Variants in SND1 observed in about 807,000 individuals in gnomAD.
The protein encoded by SND1 is staphylococcal nuclease domain-containing protein 1.
A neutral mutation model predicts 121.7 loss-of-function variants in SND1; 38 were observed. The observed-to-expected ratio is 0.31, with a 90% CI of 0.24 to 0.41. The LOEUF (loss-of-function observed/expected upper bound fraction) is 0.41. SND1 is among the 10% of genes least tolerant of loss of function. The pLI, the probability that SND1 is intolerant of heterozygous loss-of-function variation, is 1.00. For synonymous variants in SND1, 401 were observed against 447.4 expected, an observed-to-expected ratio of 0.90 and a Z score of 1.31; for missense variants, 868 against 1,184.6, an observed-to-expected ratio of 0.73 and a Z score of 3.92.
intron 11 of SND1, among the ~76,000 whole-genome samples, chr7:127,811,411 ATCT>A (rs1372597476): frequency 6.6e-6 from 1 of 152,102 alleles, no homozygotes; most frequent in Non-Finnish European, 1.5e-5. Flanking sequence ...TAATCTCTTG[ATCT>A]TCTGGTGGAC....
chr7:128,024,122 C>A (rs537035296), intron 16 of SND1, among the ~76,000 whole-genome samples: 5 of 151,490 alleles, frequency 3.3e-5, no homozygotes, highest in African/African-American at 9.7e-5. Context: ...TATCACTGCT[C>A]CAAGAAGTAA....
chr7:128,017,701 A>T (rs1584740011), intron 16 of SND1, among the ~76,000 whole-genome samples: 1 of 152,194 alleles, frequency 6.6e-6, no homozygotes, highest in East Asian at 1.9e-4. Flanking sequence ...AGGGGGGGCA[A>T]ACTCTTTACC....
At chr7:127,876,976 T>C (rs1231147277) in intron 12 of SND1, among the ~76,000 whole-genome samples, 1 of 152,158 alleles carries the variant, frequency 6.6e-6, no homozygotes, top group Non-Finnish European at 1.5e-5. Context: ...AAGATGGACA[T>C]TGTTTTATTA....
intron 16 of SND1, among the ~76,000 whole-genome samples, chr7:128,042,856 C>T (rs1792879523): frequency 6.6e-6 from 1 of 152,224 alleles, no homozygotes; most frequent in Non-Finnish European, 1.5e-5. Flanking sequence ...TGGCTCCTGC[C>T]AGCTGCTATC....
rs1451851878 is a variant in SND1 at position 127,936,276 on chromosome 7, C to T, written c.1669+6947C>T. The stretch of plus-strand genomic sequence containing the variant: ...CTGATTTCAGTCTCGGAGGCAGTCA[C>T]AGACACTTCTTGTCCATAGTTAGCA... On this transcript the variant is annotated intron_variant, in intron 15 of 23. Coordinates refer to ENST00000354725, the MANE Select transcript of SND1 (RefSeq NM_014390.4). Among the ~76,000 whole-genome samples the T allele has an allele frequency of 2.0e-5, 3 of 152,164 alleles. No individual in the cohort carries two copies. In the East Asian group the frequency reaches 5.8e-4, roughly 29 times the overall value.
At chr7:127,678,029 T>C (rs1795644859) in intron 1 of SND1, among the ~76,000 whole-genome samples, 1 of 152,346 alleles carries the variant, frequency 6.6e-6, no homozygotes, top group Non-Finnish European at 1.5e-5. Flanking sequence ...TTTACTTGCT[T>C]AGTGATTTGG....
At chr7:128,065,346 A>G (rs1177900524) in intron 16 of SND1, among the ~76,000 whole-genome samples, 1 of 152,234 alleles carries the variant, frequency 6.6e-6, no homozygotes, top group Non-Finnish European at 1.5e-5. Flanking sequence ...CCTGAGAATC[A>G]AGGTCCACAA....
chr7:127,704,765 A>G (rs1241645158), intron 7 of SND1, 74 bp from the exon 8 acceptor site: 1 of 1,211,030 alleles, frequency 8.3e-7, no homozygotes. Flanking sequence ...TAATTGTGTC[A>G]GAAGTCTAGA....
intron 15 of SND1, among the ~76,000 whole-genome samples, chr7:127,973,696 T>C (rs1802051915): frequency 6.6e-6 from 1 of 152,264 alleles, no homozygotes; most frequent in African/African-American, 2.4e-5. Context: ...CTTTGTACTG[T>C]GTCATATCTA....
intron 1 of SND1, among the ~76,000 whole-genome samples, chr7:127,670,283 C>G (rs1368859664): frequency 1.7e-5 from 2 of 119,878 alleles, no homozygotes; most frequent in African/African-American, 7.4e-5. Context: ...GCCACCACGC[C>G]TGGCCTAATT....
At chr7:128,037,652 G>A (rs1374282030) in intron 16 of SND1, among the ~76,000 whole-genome samples, 2 of 152,148 alleles carry the variant, frequency 1.3e-5, no homozygotes, top group African/African-American at 4.8e-5. Context: ...ACCAGCAGGT[G>A]ACTCTTCCCT....
At chr7:127,719,962 G>A (rs142613538) in intron 9 of SND1, among the ~76,000 whole-genome samples, 93 of 152,222 alleles carry the variant, frequency 6.1e-4, no homozygotes, top group African/African-American at 2.1e-3. Context: ...TCTTGAGATT[G>A]TTTCTTAAGG....
chr7:127,897,142 G>C (rs1048995530), intron 13 of SND1, among the ~76,000 whole-genome samples: 1 of 152,116 alleles, frequency 6.6e-6, no homozygotes, highest in Non-Finnish European at 1.5e-5. Flanking sequence ...TTCTGACTCT[G>C]CCTCCCGCCA....
intron 11 of SND1, among the ~76,000 whole-genome samples, chr7:127,841,483 C>G (rs1798964062): frequency 6.6e-6 from 1 of 152,100 alleles, no homozygotes; most frequent in African/African-American, 2.4e-5. Context: ...ATGGTATAGC[C>G]ACCTTCACTG....
intron 1 of SND1, among the ~76,000 whole-genome samples, chr7:127,679,595 C>G (rs1795676518): frequency 6.6e-6 from 1 of 152,162 alleles, no homozygotes; most frequent in Admixed American, 6.5e-5. Flanking sequence ...CCCCACTCTC[C>G]CCTTCTGTCA....
chr7:127,936,336 T>A (rs1463080646), intron 15 of SND1, among the ~76,000 whole-genome samples: 1 of 152,198 alleles, frequency 6.6e-6, no homozygotes, highest in Non-Finnish European at 1.5e-5. Flanking sequence ...CTGCATTTGT[T>A]AAAAAGCATC....
chr7:127,837,306 A>G (rs1798884793), intron 11 of SND1, among the ~76,000 whole-genome samples: 1 of 152,248 alleles, frequency 6.6e-6, no homozygotes, highest in South Asian at 2.1e-4. Context: ...CACACCAGAT[A>G]GTAAAGATTT....
intron 9 of SND1, among the ~76,000 whole-genome samples, chr7:127,720,696 G>A (rs185749437): frequency 3.0e-4 from 45 of 152,328 alleles, no homozygotes; most frequent in Non-Finnish European, 5.1e-4. Flanking sequence ...CTCTGAAAAG[G>A]TGGCTTTCAG....
chr7:128,056,544 C>G (rs1793144783), intron 16 of SND1, among the ~76,000 whole-genome samples: 1 of 152,226 alleles, frequency 6.6e-6, no homozygotes, highest in Non-Finnish European at 1.5e-5. Flanking sequence ...CATGCACTGA[C>G]CTTCTACTGT....
Sources: gnomAD v4.1 joint callset for allele counts (sites outside exome capture counted in the v4.1 genomes callset) on GRCh38, gnomAD v4.1.1 for gene constraint, MANE v1.5 for transcripts, NCBI Gene and HGNC (gene_info 2026-07-23, HGNC 2026-07-21) for gene names.